Variants in C11orf65 observed in about 807,000 individuals in gnomAD.
The protein encoded by C11orf65 is protein MFI.
A neutral mutation model predicts 35.3 loss-of-function variants in C11orf65; 38 were observed. The ratio of observed to expected loss-of-function variants is 1.08; its 90% CI spans 0.83 to 1.41. The LOEUF is 1.41. C11orf65 is among the 40% of genes most tolerant of loss of function. The probability of loss-of-function intolerance (pLI) is 0.00; values close to 1 mark genes in which losing one functional copy is unlikely to be tolerated. For missense variants in C11orf65, 370 were observed against 367.1 expected (o/e 1.01, Z -0.06); for synonymous variants, 105 against 114.4 (o/e 0.92, Z 0.53).
chr11:108,460,952 C>T (rs1325908552), intron 2 of C11orf65, among the ~76,000 whole-genome samples: 1 of 152,016 alleles, frequency 6.6e-6, no homozygotes, highest in Non-Finnish European at 1.5e-5. Context: ...CTCAAACTCC[C>T]GACCTCAGAT....
chr11:108,423,023 G>C (rs537978317), intron 3 of C11orf65, among the ~76,000 whole-genome samples: 1 of 152,266 alleles, frequency 6.6e-6, no homozygotes, highest in East Asian at 1.9e-4. Flanking sequence ...GTTGGAAAAG[G>C]TTATAAAAAG....
At chr11:108,319,488 G>A (rs1401883900) in intron 6 of C11orf65, among the ~76,000 whole-genome samples, 1 of 152,156 alleles carries the variant, frequency 6.6e-6, no homozygotes, top group Non-Finnish European at 1.5e-5. Flanking sequence ...TATCTTCAGA[G>A]AGGCCTTTCT....
intron 2 of C11orf65, among the ~76,000 whole-genome samples, chr11:108,455,939 A>G (rs1431460043): frequency 6.6e-6 from 1 of 151,600 alleles, no homozygotes; most frequent in Non-Finnish European, 1.5e-5. Flanking sequence ...AGATCACTTG[A>G]GCTCAGGAGT....
chr11:108,379,967 T>C (rs1249107463), downstream of C11orf65, among the ~76,000 whole-genome samples: 1 of 152,170 alleles, frequency 6.6e-6, no homozygotes, highest in Non-Finnish European at 1.5e-5. Context: ...AGATACCCAT[T>C]ACATGAGACA....
At chr11:108,458,459 T>C (rs1174433203) in intron 2 of C11orf65, among the ~76,000 whole-genome samples, 1 of 151,930 alleles carries the variant, frequency 6.6e-6, no homozygotes, top group Admixed American at 6.6e-5. Flanking sequence ...CAAAGAGGGT[T>C]AGATGCTCAG....
downstream of C11orf65, among the ~76,000 whole-genome samples, chr11:108,382,547 G>A (rs997544155): frequency 6.6e-6 from 1 of 152,018 alleles, no homozygotes; most frequent in Non-Finnish European, 1.5e-5. Flanking sequence ...AGACAAACTA[G>A]AATGAGTAAG....
At chr11:108,412,438 C>A (rs1270197607) in intron 3 of C11orf65, among the ~76,000 whole-genome samples, 1 of 152,162 alleles carries the variant, frequency 6.6e-6, no homozygotes, top group African/African-American at 2.4e-5. Flanking sequence ...CAGAGACTGT[C>A]AGAGCGGATA....
downstream of C11orf65, among the ~76,000 whole-genome samples, chr11:108,381,644 C>T (rs373075471): frequency 2.6e-5 from 4 of 152,050 alleles, no homozygotes; most frequent in African/African-American, 9.7e-5. Context: ...ATTTCTAATT[C>T]TCTAATTTCT....
intron 2 of C11orf65, among the ~76,000 whole-genome samples, chr11:108,377,478 T>A (rs1400553852): frequency 6.6e-6 from 1 of 152,120 alleles, no homozygotes; most frequent in African/African-American, 2.4e-5. Flanking sequence ...ATGGGACGTA[T>A]CTCAAAATAA....
intron 6 of C11orf65, among the ~76,000 whole-genome samples, chr11:108,319,745 G>A (rs1385695602): frequency 1.3e-5 from 2 of 152,124 alleles, no homozygotes; most frequent in African/African-American, 4.8e-5. Context: ...TTAGAACCAG[G>A]CAGAGTATCT....
intron 6 of C11orf65, among the ~76,000 whole-genome samples, chr11:108,318,849 A>G (rs970169706): frequency 6.6e-6 from 1 of 152,084 alleles, no homozygotes; most frequent in Non-Finnish European, 1.5e-5. Flanking sequence ...AAAATTAATT[A>G]TGTTTAAGTA....
At chr11:108,449,892 C>G (rs547672988) in intron 2 of C11orf65, among the ~76,000 whole-genome samples, 11 of 151,720 alleles carry the variant, frequency 7.3e-5, no homozygotes, top group Non-Finnish European at 1.3e-4. Flanking sequence ...ACTCATCTGA[C>G]AAAGGGCTAA....
chr11:108,310,043 T>C (rs1018679295), intron 6 of C11orf65: 4 of 1,066,682 alleles, frequency 3.7e-6, no homozygotes, highest in Non-Finnish European at 4.1e-6. Flanking sequence ...ATGTGGTTTT[T>C]GGGAATTTGT....
At chr11:108,364,122 G>A (rs1013183782) in intron 2 of C11orf65, among the ~76,000 whole-genome samples, 3 of 152,162 alleles carry the variant, frequency 2.0e-5, no homozygotes, top group African/African-American at 7.2e-5. Flanking sequence ...TTTTGGTTCT[G>A]CTAATCTAGT....
chr11:108,395,545 C>T (rs1166853708), intron 6 of C11orf65, among the ~76,000 whole-genome samples: 3 of 151,714 alleles, frequency 2.0e-5, no homozygotes, highest in Non-Finnish European at 4.4e-5. Context: ...TCTCAAACTC[C>T]TGACCTCGTG....
chr11:108,386,589 A>G (rs77844834), intron 7 of C11orf65, among the ~76,000 whole-genome samples: 3,175 of 152,280 alleles, frequency 0.021, 118 homozygotes, highest in African/African-American at 0.071. Flanking sequence ...ATAGGGAAGG[A>G]CAAGGTACAA....
downstream of C11orf65, chr11:108,330,543 T>C (rs1000459192): frequency 1.7e-5 from 16 of 963,718 alleles, no homozygotes; most frequent in South Asian, 2.7e-5. Flanking sequence ...GCTCTACACA[T>C]AAGTAGCATT....
chr11:108,437,448 G>A (rs10789662), intron 2 of C11orf65, among the ~76,000 whole-genome samples: 59,964 of 151,824 alleles, frequency 0.39, 12,394 homozygotes, highest in Middle Eastern at 0.65. Context: ...GCTCACGCCT[G>A]TAATCCCAGC....
intron 6 of C11orf65, among the ~76,000 whole-genome samples, chr11:108,397,272 T>C (rs1452783254): frequency 1.3e-5 from 2 of 148,810 alleles, no homozygotes; most frequent in African/African-American, 5.0e-5. Flanking sequence ...TGAGCTGACA[T>C]GGTGCCAATG....
Sources: gnomAD v4.1 joint callset for allele counts (sites outside exome capture counted in the v4.1 genomes callset) on GRCh38, gnomAD v4.1.1 for gene constraint, MANE v1.5 for transcripts, NCBI Gene and HGNC (gene_info 2026-07-23, HGNC 2026-07-21) for gene names.